ZNF713: variants seen among roughly 807,000 people sequenced by gnomAD.
ZNF713 encodes the protein zinc finger protein 713.
ZNF713 carries 21 observed loss-of-function variants against 28.7 expected under a neutral mutation model. The ratio of observed to expected loss-of-function variants is 0.73; its 90% confidence interval spans 0.52 to 1.05. The LOEUF (loss-of-function observed/expected upper bound fraction) is 1.05. Among genes scored for constraint, ZNF713 ranks in the 50% least tolerant of loss-of-function variants. ZNF713 has a pLI of 0.00. For missense variants in ZNF713, 458 were observed against 532.4 expected (o/e 0.86, Z 1.37); for synonymous variants, 167 against 178.0 (o/e 0.94, Z 0.49).
intron 6 of ZNF713, among the ~76,000 whole-genome samples, chr7:55,929,155 A>G: frequency 6.6e-6 from 1 of 152,112 alleles, no homozygotes; most frequent in East Asian, 1.9e-4. Flanking sequence ...AAACGTGCCT[A>G]CAAGAGTTTG....
At chr7:55,896,735 T>A (rs780229043) in intron 1 of ZNF713, among the ~76,000 whole-genome samples, 1 of 152,018 alleles carries the variant, frequency 6.6e-6, no homozygotes, top group Non-Finnish European at 1.5e-5. Context: ...GATACCCCAG[T>A]AGCAATAAGC....
Position 55,923,700 on chromosome 7 carries a change from G to GT in ZNF713, c.307+2dup. 6.2e-7 allele frequency: 1 copy of GT among 1,610,022 alleles called. No homozygotes were observed. Among genetic ancestry groups the GT allele is most frequent in the East Asian group, 2.2e-5 (1 of 44,818 alleles). ...GACAGCCTGCTGGATACTCATCCAG[G>GT]TAAGTGCACACTCTTGGGCACTGCT... is the stretch of plus-strand genomic sequence containing the variant. On this transcript the variant is annotated splice_donor_variant, in intron 6 of 6. Transcript: ENST00000429591. LOFTEE classifies it high-confidence loss of function.
intron 2 of ZNF713, among the ~76,000 whole-genome samples, chr7:55,908,584 C>T (rs1412625522): frequency 6.6e-6 from 1 of 150,900 alleles, no homozygotes; most frequent in East Asian, 1.9e-4. Flanking sequence ...TCGTATGTCC[C>T]ACTTTTTGAT....
At chr7:55,908,383 C>T (rs541249174) in intron 2 of ZNF713, among the ~76,000 whole-genome samples, 5 of 151,962 alleles carry the variant, frequency 3.3e-5, no homozygotes, top group African/African-American at 9.7e-5. Context: ...CCACATGATC[C>T]GCCTGCCTTG....
At chr7:55,905,298 C>G (rs1190841780) in intron 1 of ZNF713, among the ~76,000 whole-genome samples, 1 of 152,144 alleles carries the variant, frequency 6.6e-6, no homozygotes, top group Non-Finnish European at 1.5e-5. Context: ...CTCTCAGATT[C>G]TGACCTAGGA....
rs927581355 is a variant in ZNF713, at chr7:55,899,445, G to T, written c.-582-6808G>T. 9.7e-3 allele frequency among the ~76,000 whole-genome samples: 736 copies of T among 76,230 alleles called. 19 individuals are homozygous for T. The highest frequency in any genetic ancestry group is 0.021 in the African/African-American group (459 of 22,092). The allele number at this position is 76,230 out of a possible 152,430, so 50.0% of individuals were successfully genotyped here. ...TTTGGGAGGCCGAGGGGGGGGGGGG[G>T]GTTGATCACAAGGTCAGGAGTTCAA... is the stretch of plus-strand genomic sequence containing the variant. On this transcript the variant is annotated intron_variant, in intron 1 of 6. Transcript: ENST00000429591.
intron 6 of ZNF713, among the ~76,000 whole-genome samples, chr7:55,925,207 C>G (rs905616064): frequency 6.6e-6 from 1 of 152,190 alleles, no homozygotes; most frequent in Non-Finnish European, 1.5e-5. Context: ...GCTCTTTGCT[C>G]TGGTACCTGG....
At chr7:55,927,390 G>T (rs1383180112) in intron 6 of ZNF713, among the ~76,000 whole-genome samples, 1 of 151,672 alleles carries the variant, frequency 6.6e-6, no homozygotes, top group Non-Finnish European at 1.5e-5. Context: ...GGATGTGGAG[G>T]TATGAGCCTG....
At chr7:55,934,295 G>T (rs1786301189) in intron 6 of ZNF713, among the ~76,000 whole-genome samples, 1 of 151,968 alleles carries the variant, frequency 6.6e-6, no homozygotes, top group Non-Finnish European at 1.5e-5. Flanking sequence ...ATTTTAGCAG[G>T]TCTACAGATC....
chr7:55,930,589 C>G (rs979651952), intron 6 of ZNF713, among the ~76,000 whole-genome samples: 47 of 152,108 alleles, frequency 3.1e-4, no homozygotes, highest in African/African-American at 1.1e-3. Context: ...TGAAGAAACC[C>G]ATAGCCACAA....
intron 1 of ZNF713, among the ~76,000 whole-genome samples, chr7:55,895,890 T>C (rs1785465070): frequency 6.6e-6 from 1 of 152,066 alleles, no homozygotes; most frequent in Non-Finnish European, 1.5e-5. Flanking sequence ...CCTGGAAAGG[T>C]TGAGTCATTT....
chr7:55,895,641 T>C (rs1785460313), intron 1 of ZNF713, among the ~76,000 whole-genome samples: 1 of 151,984 alleles, frequency 6.6e-6, no homozygotes, highest in Admixed American at 6.6e-5. Context: ...GCTAATTTTG[T>C]ATTTTTAGTA....
In ZNF713 at chr7:55,939,093, A is replaced by G. The variant is rs1309467906; in HGVS notation, c.419A>G (p.Tyr140Cys). The G allele has an allele frequency of 6.2e-6, 10 of 1,614,046 alleles. No individual in the cohort carries two copies. The South Asian group carries it at 6.6e-5, about 11-fold the overall frequency. ...MERLAGDSFW[Y>C]SILGGLWDFD... ...AGACTCGCAGGAGACAGCTTCTGGT[A>G]CTCCATCCTAGGAGGACTCTGGGAT... The change falls in exon 7 of 7, where the codon TAC (tyrosine) becomes TGC (cysteine). Residue 140 changes from tyrosine (Y) to cysteine (C), a missense_variant. Coordinates refer to ENST00000429591, the MANE Select transcript of ZNF713 (RefSeq NM_182633.3).
rs188762412 is a variant in ZNF713, at chr7:55,899,943, C to T, written c.-582-6310C>T. ...ATGTATAATAGAGACAGGGCTTCAC[C>T]ATGTTGGCCAGGCTGGTCTTGATCT... On this transcript the variant is annotated intron_variant, in intron 1 of 6. Transcript: ENST00000429591. Among the ~76,000 whole-genome samples, 791 of 151,958 alleles carry T rather than the reference C, an allele frequency of 5.2e-3. 9 individuals are homozygous for T. Among genetic ancestry groups the T allele is most frequent in the African/African-American group, 0.017 (724 of 41,502 alleles).
intron 1 of ZNF713, among the ~76,000 whole-genome samples, chr7:55,890,103 T>TA (rs1245736091): frequency 6.6e-6 from 1 of 152,148 alleles, no homozygotes; most frequent in Non-Finnish European, 1.5e-5. Flanking sequence ...CTCTTCTTCT[T>TA]ATGAGGACAC....
chr7:55,912,472 CGAACTCCT>C (rs1785801905), intron 3 of ZNF713, among the ~76,000 whole-genome samples, 155 bp from the exon 4 acceptor site: 1 of 152,148 alleles, frequency 6.6e-6, no homozygotes, highest in Admixed American at 6.5e-5. Context: ...ATTGAATTCC[CGAACTCCT>C]GAACATCATA....
chr7:55,909,005 G>A (rs1431663389), intron 2 of ZNF713, among the ~76,000 whole-genome samples: 1 of 151,798 alleles, frequency 6.6e-6, no homozygotes, highest in African/African-American at 2.4e-5. Context: ...AGACCATCCT[G>A]GCCAACATGG....
chr7:55,926,803 T>A (rs1786104975), intron 6 of ZNF713, among the ~76,000 whole-genome samples: 1 of 151,976 alleles, frequency 6.6e-6, no homozygotes, highest in Non-Finnish European at 1.5e-5. Context: ...AATGAAAAAA[T>A]TAGAGCTAGC....
At chr7:55,889,878 C>G (rs75593780) in intron 1 of ZNF713, among the ~76,000 whole-genome samples, 5,430 of 152,264 alleles carry the variant, frequency 0.036, 334 homozygotes, top group African/African-American at 0.12. Flanking sequence ...TCTTTGGTGA[C>G]TGTCATAGCC....
Sources: allele counts gnomAD v4.1 joint callset (sites outside exome capture counted in the v4.1 genomes callset), GRCh38; gene constraint gnomAD v4.1.1; transcripts MANE v1.5; gene names NCBI Gene and HGNC (gene_info 2026-07-23, HGNC 2026-07-21).